Variants in WNK1 observed in about 807,000 individuals in gnomAD.
The protein encoded by WNK1 is WNK lysine deficient protein kinase 1.
In WNK1, 38 loss-of-function variants were observed where a neutral mutation model predicts 222.8. The ratio of observed to expected loss-of-function variants is 0.17; its 90% CI spans 0.13 to 0.22. WNK1 has a LOEUF of 0.22. Among genes scored for constraint, WNK1 ranks in the 10% least tolerant of loss-of-function variants. The pLI is 1.00. For synonymous variants in WNK1, 1,090 were observed against 1,092.9 expected (o/e 1.00, Z 0.05); for missense variants, 2,348 against 2,918.4 (o/e 0.80, Z 4.50).
intron 2 of WNK1, among the ~76,000 whole-genome samples, chr12:817,832 A>ACCC (rs140035530): frequency 0.56 from 84,827 of 151,646 alleles, 24,183 homozygotes; most frequent in East Asian, 0.81. Flanking sequence ...GGGCGCCTGT[A>ACCC]ATCCCAGCTA....
intron 1 of WNK1, among the ~76,000 whole-genome samples, chr12:758,541 CCG>C (rs1365496017): frequency 4.2e-5 from 6 of 143,678 alleles, no homozygotes; most frequent in African/African-American, 9.8e-5. Flanking sequence ...GCGCCCGCCA[CCG>C]TGCCCGGCTA....
rs780008416 is a variant in WNK1, at chr12:827,287, C to G, written c.1153+25C>G. The G allele has an allele frequency of 1.1e-5, 17 of 1,593,198 alleles. No individual in the cohort carries two copies. Among genetic ancestry groups the G allele is most frequent in the African/African-American group, 2.7e-5 (2 of 74,412 alleles). On this transcript the variant is annotated intron_variant, in intron 3 of 27. Coordinates refer to ENST00000315939, the MANE Select transcript of WNK1 (RefSeq NM_018979.4). This position sits in a 1 kb window ranked among gnomAD's most constrained non-coding sequence, Gnocchi z 4.6. Reference sequence around the variant, plus strand: ...GGTATGTTTCAGGTGTACCTTGGAGCCTGACTGGCTTTCTCACATTCCTTT... The same window carrying G: ...GGTATGTTTCAGGTGTACCTTGGAGGCTGACTGGCTTTCTCACATTCCTTT...
chr12:869,547 G>C (rs1245245785), intron 8 of WNK1, among the ~76,000 whole-genome samples: 2 of 152,026 alleles, frequency 1.3e-5, no homozygotes, highest in Non-Finnish European at 2.9e-5. Flanking sequence ...GGAAAATAGG[G>C]AATGCTGTTT....
intron 26 of WNK1, chr12:906,780 C>T: frequency 1.0e-6 from 1 of 982,848 alleles, no homozygotes; most frequent in Non-Finnish European, 1.2e-6. Flanking sequence ...TGGCTCACAC[C>T]TGTAATCCCA....
chr12:895,575 C>T (rs192793749), intron 23 of WNK1, among the ~76,000 whole-genome samples: 1 of 152,336 alleles, frequency 6.6e-6, no homozygotes, highest in East Asian at 1.9e-4. Flanking sequence ...TCTCCTGCCT[C>T]AGCCTCCCAA....
At chr12:833,752 T>C (rs1948982867) in intron 4 of WNK1, among the ~76,000 whole-genome samples, 1 of 152,220 alleles carries the variant, frequency 6.6e-6, no homozygotes, top group Non-Finnish European at 1.5e-5. Flanking sequence ...TTAAAATATT[T>C]TAATCTAGTA....
chr12:793,896 C>G (rs1162196050), intron 1 of WNK1, among the ~76,000 whole-genome samples: 3 of 151,904 alleles, frequency 2.0e-5, no homozygotes, highest in Non-Finnish European at 4.4e-5. Context: ...ATCACTTCCT[C>G]CAAAAAAAAA....
rs72650726 is a variant in WNK1, at chr12:884,096, C to T, written c.3722-25C>T. ...TTATAATAATAATGCTATTAAGTTA[C>T]GTTTGTTTGTTTGTTTTTGACCAGG... is the stretch of plus-strand genomic sequence containing the variant. On this transcript the variant is annotated intron_variant, in intron 17 of 27. Transcript: ENST00000315939. The surrounding 1 kb of genome is among the most constrained non-coding windows in gnomAD (Gnocchi z 5.6). 2,660 of 1,613,454 alleles carry T rather than the reference C, an allele frequency of 1.6e-3. 29 individuals carry two copies. The African/African-American group carries it at 0.024, about 15-fold the overall frequency.
At chr12:883,661 GACACCCATGACC>G in intron 16 of WNK1, 93 bp downstream of exon 16, 1 of 1,596,546 alleles carries the variant, frequency 6.3e-7, no homozygotes, top group Non-Finnish European at 8.6e-7. Flanking sequence ...GATATCACCT[GACACCCATGACC>G]GACAACAAAC....
chr12:836,202 TA>T (rs1380918073), intron 4 of WNK1, among the ~76,000 whole-genome samples: 1 of 152,162 alleles, frequency 6.6e-6, no homozygotes, highest in Non-Finnish European at 1.5e-5. Flanking sequence ...ACAAAAGTTG[TA>T]GTGGATCAAA....
chr12:788,608 A>G (rs114574827), intron 1 of WNK1, among the ~76,000 whole-genome samples: 1,568 of 152,214 alleles, frequency 0.01, 30 homozygotes, highest in African/African-American at 0.036. Flanking sequence ...AAGTGAGAGG[A>G]CCGGGTGAGG....
intron 1 of WNK1, among the ~76,000 whole-genome samples, chr12:768,560 G>A (rs1942066906): frequency 6.6e-6 from 1 of 152,114 alleles, no homozygotes; most frequent in Non-Finnish European, 1.5e-5. Context: ...TCTGTGATAA[G>A]AATCTTGACC....
Position 827,095 on chromosome 12 carries a change from G to A in WNK1, c.986G>A (p.Arg329His). Reference sequence around the variant, plus strand: ...ATCAAAGTTCTAAGAAGCTGGTGCCGTCAGATCCTTAAAGGTCTTCAGTTT... The same window carrying A: ...ATCAAAGTTCTAAGAAGCTGGTGCCATCAGATCCTTAAAGGTCTTCAGTTT... ...MKIKVLRSWC[R>H]QILKGLQFLH... The change falls in exon 3 of 28, where the codon CGT becomes CAT. Residue 329 changes from arginine (R) to histidine (H), a missense_variant. Around this residue, in one of 13 missense-constraint regions of WNK1, gnomAD observed 57 missense variants for 219.0 expected, o/e 0.26. Transcript: ENST00000315939. The surrounding 1 kb of genome is among the most constrained non-coding windows in gnomAD (Gnocchi z 4.6). 1.9e-6 allele frequency: 3 copies of A among 1,614,116 alleles called. No individual in the cohort carries two copies. Among genetic ancestry groups the A allele is most frequent in the Non-Finnish European group, 2.5e-6 (3 of 1,180,034 alleles).
At chr12:785,564 A>C (rs1944220135) in intron 1 of WNK1, among the ~76,000 whole-genome samples, 1 of 151,450 alleles carries the variant, frequency 6.6e-6, no homozygotes, top group Admixed American at 6.6e-5. Flanking sequence ...CGCCCAGCTA[A>C]TTTTTTGTAT....
chr12:865,187 G>A, intron 8 of WNK1: 2 of 1,484,736 alleles, frequency 1.3e-6, no homozygotes, highest in African/African-American at 1.6e-5. Context: ...CTCTCCCAGT[G>A]CTCTTCCACC....
rs367824180 is a variant in WNK1 at position 896,739 on chromosome 12, A to G, written c.6245+7A>G. 4 of 1,609,190 alleles carry G rather than the reference A, an allele frequency of 2.5e-6. No homozygotes were observed. The highest frequency in any genetic ancestry group is 3.4e-6 in the Non-Finnish European group (4 of 1,179,430). Reference sequence around the variant, plus strand: ...TGCGACGACTACGAGATAAGTAAGTATATTTTCTCTTGTGAAAGAATGTCA... The same window carrying G: ...TGCGACGACTACGAGATAAGTAAGTGTATTTTCTCTTGTGAAAGAATGTCA... On this transcript the variant is annotated splice_region_variant and intron_variant, in intron 24 of 27. Transcript: ENST00000315939.
At chr12:786,895 A>G (rs1002642974) in intron 1 of WNK1, among the ~76,000 whole-genome samples, 5 of 152,060 alleles carry the variant, frequency 3.3e-5, no homozygotes, top group Admixed American at 6.6e-5. Flanking sequence ...ATTTATAGTA[A>G]TAATTGGTAT....
At chr12:899,651 G>A (rs954835804) in intron 25 of WNK1, among the ~76,000 whole-genome samples, 4 of 152,056 alleles carry the variant, frequency 2.6e-5, no homozygotes, top group African/African-American at 7.2e-5. Context: ...ACTGGGAACC[G>A]GGGAGCAGAG....
intron 22 of WNK1, among the ~76,000 whole-genome samples, chr12:893,229 C>G (rs1198528758): frequency 6.6e-6 from 1 of 151,970 alleles, no homozygotes; most frequent in Non-Finnish European, 1.5e-5. Flanking sequence ...TGTACTCCAG[C>G]CTGGGTGACA....
Sources: gnomAD v4.1 joint callset for allele counts (sites outside exome capture counted in the v4.1 genomes callset) on GRCh38, gnomAD v4.1.1 for gene constraint, gnomAD v4.1.1 regional missense constraint, Gnocchi (gnomAD v3.1) non-coding constraint, MANE v1.5 for transcripts, NCBI Gene and HGNC (gene_info 2026-07-23, HGNC 2026-07-21) for gene names.